HSPA1L: variants seen among roughly 807,000 people sequenced by gnomAD.
The protein encoded by HSPA1L is heat shock 70 kDa protein 1-like.
Under a neutral mutation model 31.5 loss-of-function variants are expected in HSPA1L, and 21 were observed. The ratio of observed to expected loss-of-function variants is 0.67; its 90% confidence interval spans 0.47 to 0.96. The LOEUF (loss-of-function observed/expected upper bound fraction) is 0.96, where lower values mean the gene tolerates loss of function less well. Among genes scored for constraint, HSPA1L ranks in the 40% least tolerant of loss-of-function variants. HSPA1L has a pLI of 0.00. For missense variants in HSPA1L, 709 were observed against 813.4 expected, an observed-to-expected ratio of 0.87 and a Z score of 1.56; for synonymous variants, 293 against 323.1, an observed-to-expected ratio of 0.91 and a Z score of 1.00.
At position 31,810,213 on chromosome 6, in the gene HSPA1L, T is replaced by C. The variant is rs1271096786; in HGVS notation, c.1760A>G (p.Gln587Arg). 2 of 1,526,336 alleles carry C rather than the reference T, an allele frequency of 1.3e-6. No homozygotes were observed. Among genetic ancestry groups the C allele is most frequent in the Non-Finnish European group, 1.8e-6 (2 of 1,141,446 alleles). The allele number at this position is 1,526,336 out of a possible 1,614,324, so 94.5% of individuals were successfully genotyped here. A position where few individuals can be genotyped will look rare whatever the true frequency, so the allele number is the denominator to read the frequency against. ...ATCAAACTCATCTTTCTCTGCCAGT[T>C]GATTGACCTCCAGCCACGAAAGGAG... Reference protein sequence around the residue: ...NELLSWLEVNQLAEKDEFDHK... With the variant: ...NELLSWLEVNRLAEKDEFDHK... The change falls in exon 2 of 2, where the codon CAA becomes CGA. Residue 587 changes from glutamine (Q) to arginine (R), a missense_variant. Physicochemically the swap from Gln to Arg is conservative, Grantham distance 43 (BLOSUM62 1). Transcript: ENST00000375654.
intron 1 of HSPA1L, among the ~76,000 whole-genome samples, chr6:31,814,265 G>GA (rs1485732878): frequency 1.3e-5 from 2 of 152,086 alleles, no homozygotes; most frequent in Non-Finnish European, 2.9e-5. Flanking sequence ...CTAAAAAATA[G>GA]AAAAAATTAG....
chr6:31,814,689 C>T (rs1286672267), intron 1 of HSPA1L, among the ~76,000 whole-genome samples, 200 bp downstream of exon 1: 23 of 130,308 alleles, frequency 1.8e-4, no homozygotes, highest in Admixed American at 1.3e-3. Context: ...GCACTCCCTT[C>T]CCCCGCCTCC....
In HSPA1L at chr6:31,814,902, G is replaced by C. The variant is rs1296634690; in HGVS notation, c.-27C>G. 1.0e-6 allele frequency: 1 copy of C among 985,314 alleles called. No individual in the cohort carries two copies. The highest frequency in any genetic ancestry group is 1.7e-5 in the African/African-American group (1 of 57,170). The allele number at this position is 985,314 out of a possible 1,614,324, so 61.0% of individuals were successfully genotyped here. On this transcript the variant is annotated 5_prime_UTR_variant, in exon 1 of 2. Transcript: ENST00000375654. ...CTACTGGCTCACCTAGTCTCCCGAC[G>C]CCTTCGCTTCAGTTTGGAAACGTCC...
Position 31,811,119 on chromosome 6 carries a change from T to C in HSPA1L, c.854A>G (p.Glu285Gly). 6.2e-7 allele frequency: 1 copy of C among 1,614,154 alleles called. No individual in the cohort carries two copies. Among genetic ancestry groups the C allele is most frequent in the Non-Finnish European group, 8.5e-7 (1 of 1,180,024 alleles). The change falls in exon 2 of 2, where the codon GAA (glutamate) becomes GGA (glycine). Residue 285 changes from glutamate to glycine, a missense_variant. Physicochemically the swap from Glu to Gly is moderately conservative, Grantham distance 98. Transcript: ENST00000375654. ...TLSSSTQANL[E>G]IDSLYEGIDF... ...AATGCCTTCATAAAGTGAATCAATTTCTAGGTTGGCCTGGGTGCTGGACGA... is the reference window on the plus strand; with the variant it reads ...AATGCCTTCATAAAGTGAATCAATTCCTAGGTTGGCCTGGGTGCTGGACGA...
chr6:31,810,446 C>G lies in HSPA1L; in HGVS notation c.1527G>C (p.Lys509Asn), dbSNP rs755676343. The change falls in exon 2 of 2, where the codon AAG (lysine) becomes AAC (asparagine). Residue 509 changes from lysine (K) to asparagine (N), a missense_variant. Lys to Asn is a moderately conservative substitution (Grantham distance 94, BLOSUM62 0). Transcript: ENST00000375654. ...KVNKITITND[K>N]GRLSKEEIER... ...CAATCTCCTCCTTGCTCAGGCGGCC[C>G]TTGTCATTGGTGATGGTGATCTTGT... is the stretch of plus-strand genomic sequence containing the variant. The G allele has an allele frequency of 5.0e-6, 8 of 1,614,014 alleles. No homozygotes were observed. The Admixed American group carries it at 1.3e-4, about 27-fold the overall frequency.
chr6:31,811,033 C>T lies in HSPA1L; in HGVS notation c.940G>A (p.Gly314Ser). 2 of 1,614,098 alleles carry T rather than the reference C, an allele frequency of 1.2e-6. No individual in the cohort carries two copies. Among genetic ancestry groups the T allele is most frequent in the African/African-American group, 1.3e-5 (1 of 74,984 alleles). The change falls in exon 2 of 2, where the codon GGT becomes AGT. Residue 314 changes from glycine to serine, a missense_variant. Coordinates refer to ENST00000375654, the MANE Select transcript of HSPA1L (RefSeq NM_005527.4). ...GCTTTTTCTACAGGCTCCAGGGTAC[C>T]CCTAAACAGGTCTGCACACAACTCT... ...FEELCADLFR[G>S]TLEPVEKALR...
Position 31,811,857 on chromosome 6 carries a change from G to A in HSPA1L, c.116C>T (p.Thr39Ile). ...TGTGAAGGCCACGTAGCTGGGGGTG[G>A]TGCGGTTGCCCTGGTCGTTGGCGAT... The part of the protein sequence containing the change: ...EIIANDQGNR[T>I]TPSYVAFTDT... Residue 39 changes from threonine (T) to isoleucine (I), a missense_variant, in exon 2 of 2, where the codon ACC becomes ATC. Transcript: ENST00000375654. 3 of 1,614,176 alleles carry A rather than the reference G, an allele frequency of 1.9e-6. No individual in the cohort carries two copies. The highest frequency in any genetic ancestry group is 2.5e-6 in the Non-Finnish European group (3 of 1,180,034).
rs1355403980 is a variant in HSPA1L at position 31,811,249 on chromosome 6, G to A, written c.724C>T (p.His242Tyr). The A allele has an allele frequency of 6.2e-7, 1 of 1,613,988 alleles. No homozygotes were observed. The highest frequency in any genetic ancestry group is 8.5e-7 in the Non-Finnish European group (1 of 1,180,046). Residue 242 changes from histidine to tyrosine, a missense_variant, in exon 2 of 2, where the codon CAC (histidine) becomes TAC (tyrosine). Coordinates refer to ENST00000375654, the MANE Select transcript of HSPA1L (RefSeq NM_005527.4). ...GEDFDNRLVS[H>Y]FVEEFKRKHK... is the part of the protein sequence containing the mutation. The stretch of plus-strand genomic sequence containing the variant: ...TTCCTCTTGAACTCCTCCACGAAGT[G>A]GCTCACAAGCCTGTTGTCAAAGTCC...
chr6:31,812,183 T>TC (rs1815474902), intron 1 of HSPA1L, among the ~76,000 whole-genome samples, 198 bp from the exon 2 acceptor site: 1 of 108,934 alleles, frequency 9.2e-6, no homozygotes, highest in Admixed American at 1.1e-4. Flanking sequence ...GCCCGGCTAA[T>TC]TTTTTTTTTT....
rs777727278 is a variant in HSPA1L, at chr6:31,810,830, G to A, written c.1143C>T (p.Ile381=). The part of the protein sequence containing the change: ...VAYGAAVQAA[I]LMGDKSEKVQ... ...CCTTCTCAGACTTGTCCCCCATCAG[G>A]ATGGCTGCTTGTACCGCAGCCCCAT... Residue 381 remains isoleucine, a synonymous_variant, in exon 2 of 2, where the codon ATC becomes ATT. Transcript: ENST00000375654. 2.5e-6 allele frequency: 4 copies of A among 1,614,036 alleles called. No individual in the cohort carries two copies. Among genetic ancestry groups the A allele is most frequent in the Non-Finnish European group, 3.4e-6 (4 of 1,180,042 alleles).
In HSPA1L at chr6:31,812,000, T is replaced by TC. The variant is rs774048911; in HGVS notation, c.-13-16_-13-15insG. The TC allele has an allele frequency of 1.2e-6, 2 of 1,609,470 alleles. No individual in the cohort carries two copies. The highest frequency in any genetic ancestry group is 1.7e-6 in the Non-Finnish European group (2 of 1,177,664). ...TTCTCTGAGGCCTATGGAGAAAGAA[T>TC]AAGATACTGTTTTGGGAGAGTGCTT... On this transcript the variant is annotated splice_polypyrimidine_tract_variant and intron_variant, in intron 1 of 1. Coordinates refer to ENST00000375654, the MANE Select transcript of HSPA1L (RefSeq NM_005527.4).
At position 31,810,346 on chromosome 6, in the gene HSPA1L, C is replaced by A; in HGVS notation, c.1627G>T (p.Ala543Ser). ...VQREKIAAKNALESYAFNMKS... is the reference protein window; with the variant it reads ...VQREKIAAKNSLESYAFNMKS... ...ATGTTAAAAGCATAGGATTCTAAGG[C>A]ATTCTTTGCAGCAATTTTCTCCCTC... Residue 543 changes from alanine (A) to serine (S), a missense_variant, in exon 2 of 2, where the codon GCC becomes TCC. Physicochemically the swap from Ala to Ser is moderately conservative, Grantham distance 99 (BLOSUM62 1). Coordinates refer to ENST00000375654, the MANE Select transcript of HSPA1L (RefSeq NM_005527.4). 6.2e-7 allele frequency: 1 copy of A among 1,605,024 alleles called. No individual in the cohort carries two copies. Among genetic ancestry groups the A allele is most frequent in the Non-Finnish European group, 8.5e-7 (1 of 1,175,910 alleles).
chr6:31,810,656 C>T lies in HSPA1L; in HGVS notation c.1317G>A (p.Gly439=). 1 of 1,613,994 alleles carries T rather than the reference C, an allele frequency of 6.2e-7. No homozygotes were observed. Among genetic ancestry groups the T allele is most frequent in the Non-Finnish European group, 8.5e-7 (1 of 1,179,994 alleles). Residue 439 remains glycine (G), a synonymous_variant, in exon 2 of 2, where the codon GGG becomes GGA. Coordinates refer to ENST00000375654, the MANE Select transcript of HSPA1L (RefSeq NM_005527.4). The stretch of plus-strand genomic sequence containing the variant: ...CGCCCTCATACACCTGGATCAGCAC[C>T]CCGGGTTGGTTGTCAGAGTAGGTGG... The part of the protein sequence containing the change: ...IFTTYSDNQP[G]VLIQVYEGER...
chr6:31,815,012 C>T lies in HSPA1L; in HGVS notation c.-137G>A. The T allele has an allele frequency of 2.5e-6, 1 of 398,454 alleles. No individual in the cohort carries two copies. The highest frequency in any genetic ancestry group is 3.3e-6 in the Non-Finnish European group (1 of 302,246). The allele number at this position is 398,454 out of a possible 1,614,324, so 24.7% of individuals were successfully genotyped here. On this transcript the variant is annotated 5_prime_UTR_variant, in exon 1 of 2. Transcript: ENST00000375654. ...GGTCCCCCCACCCCCCACCCCGTCCCTCCCTGCAAATTTGAGACGGCTCCA... is the reference window on the plus strand; with the variant it reads ...GGTCCCCCCACCCCCCACCCCGTCCTTCCCTGCAAATTTGAGACGGCTCCA...
intron 1 of HSPA1L, among the ~76,000 whole-genome samples, chr6:31,813,812 G>T (rs1007485619): frequency 1.3e-5 from 2 of 152,180 alleles, no homozygotes; most frequent in African/African-American, 4.8e-5. Flanking sequence ...TTTCCCAAGT[G>T]ACCTAATTCT....
intron 1 of HSPA1L, among the ~76,000 whole-genome samples, 198 bp downstream of exon 1, chr6:31,814,691 C>T (rs1355712441): frequency 6.7e-6 from 1 of 149,564 alleles, no homozygotes; most frequent in Admixed American, 6.7e-5. Flanking sequence ...ACTCCCTTCC[C>T]CCGCCTCCCC....
Position 31,810,966 on chromosome 6 carries a change from A to G in HSPA1L, c.1007T>C (p.Ile336Thr), listed in dbSNP as rs764164396. ...GCGGGTGGAGCCCCCTACTAAAACA[A>G]TGTCATGGATTTTAGCCTTATCCAT... ...AKMDKAKIHDIVLVGGSTRIP... is the reference protein window; with the variant it reads ...AKMDKAKIHDTVLVGGSTRIP... The change falls in exon 2 of 2, where the codon ATT becomes ACT. Residue 336 changes from isoleucine (I) to threonine (T), a missense_variant. By Grantham distance (89) the Ile-to-Thr change is moderately conservative. Coordinates refer to ENST00000375654, the MANE Select transcript of HSPA1L (RefSeq NM_005527.4). The G allele has an allele frequency of 1.9e-6, 3 of 1,613,970 alleles. No individual in the cohort carries two copies. The highest frequency in any genetic ancestry group is 2.2e-5 in the South Asian group (2 of 91,084).
In HSPA1L at chr6:31,810,342, A is replaced by C. The variant is rs780581828; in HGVS notation, c.1631T>G (p.Leu544Ter). The part of the protein sequence containing the change: ...QREKIAAKNA[L>*]ESYAFNMKSV... ...CTTCATGTTAAAAGCATAGGATTCT[A>C]AGGCATTCTTTGCAGCAATTTTCTC... Residue 544 changes from leucine (L) to a stop codon, truncating the protein, a stop_gained, in exon 2 of 2, where the codon TTA becomes TGA. Coordinates refer to ENST00000375654, the MANE Select transcript of HSPA1L (RefSeq NM_005527.4). LOFTEE classifies it high-confidence loss of function. 1.3e-5 allele frequency: 21 copies of C among 1,604,486 alleles called. No homozygotes were observed. The East Asian group carries it at 4.7e-4, about 36-fold the overall frequency.
In HSPA1L at chr6:31,810,543, T is replaced by A. The variant is rs758754760; in HGVS notation, c.1430A>T (p.Glu477Val). ...ATTGGCATCAATGTCAAACGTCACC[T>A]CGATCTGAGGAACTCCCCTGGGTGC... is the stretch of plus-strand genomic sequence containing the variant. The part of the protein sequence containing the change: ...PPAPRGVPQI[E>V]VTFDIDANGI... Residue 477 changes from glutamate to valine, a missense_variant, in exon 2 of 2, where the codon GAG (glutamate) becomes GTG (valine). Physicochemically the swap from Glu to Val is moderately radical, Grantham distance 121 (BLOSUM62 -2). Transcript: ENST00000375654. 2.5e-6 allele frequency: 4 copies of A among 1,613,352 alleles called. No homozygotes were observed. In the Admixed American group the frequency reaches 6.7e-5, roughly 27 times the overall value.
Sources: allele counts gnomAD v4.1 joint callset (sites outside exome capture counted in the v4.1 genomes callset), GRCh38; gene constraint gnomAD v4.1.1; transcripts MANE v1.5; gene names NCBI Gene and HGNC (gene_info 2026-07-23, HGNC 2026-07-21).